NID1: variants seen among roughly 807,000 people sequenced by gnomAD.
NID1 encodes the protein nidogen-1.
Under a neutral mutation model 130.6 loss-of-function variants are expected in NID1, and 76 were observed. The ratio of observed to expected loss-of-function variants is 0.58; its 90% CI spans 0.48 to 0.70. The LOEUF is 0.70. Ranked by LOEUF, NID1 falls within the 30% of genes least tolerant of loss-of-function variation. The pLI, the probability that NID1 is intolerant of heterozygous loss-of-function variation, is 0.00. For synonymous variants in NID1, 665 were observed against 675.1 expected, an observed-to-expected ratio of 0.98 and a Z score of 0.23; for missense variants, 1,517 against 1,664.8, an observed-to-expected ratio of 0.91 and a Z score of 1.54.
At chr1:236,009,994 C>T (rs1658363003) in intron 12 of NID1, among the ~76,000 whole-genome samples, 1 of 152,010 alleles carries the variant, frequency 6.6e-6, no homozygotes, top group South Asian at 2.1e-4. Context: ...ACAGAGTTTT[C>T]AAGAGGGGAC....
At chr1:236,032,338 C>T in intron 6 of NID1, 63 bp downstream of exon 6, 2 of 1,571,970 alleles carry the variant, frequency 1.3e-6, no homozygotes, top group Non-Finnish European at 1.7e-6. Flanking sequence ...TTCCATCCAT[C>T]CCCAGGCCTC....
chr1:236,017,324 A>G (rs1419291153), intron 9 of NID1, 51 bp from the exon 10 acceptor site: 2 of 1,589,580 alleles, frequency 1.3e-6, no homozygotes, highest in Non-Finnish European at 1.7e-6. Context: ...AGCTCTTCAA[A>G]CATTACTGAC....
Position 235,999,542 on chromosome 1 carries a change from G to A in NID1, c.2528-5670C>T, listed in dbSNP as rs184605079. 4.2e-3 allele frequency among the ~76,000 whole-genome samples: 645 copies of A among 152,172 alleles called. 2 individuals carry two copies. Among genetic ancestry groups the A allele is most frequent in the Non-Finnish European group, 7.1e-3 (486 of 68,010 alleles). ...CTTTCCATTAAAGGCCTGGTGGATG[G>A]GGTGGGGGTAGTGGGGATGCTAAAG... On this transcript the variant is annotated intron_variant, in intron 12 of 19. Transcript: ENST00000264187.
chr1:236,041,762 G>A, intron 4 of NID1, 148 bp downstream of exon 4: 13 of 973,774 alleles, frequency 1.3e-5, no homozygotes, highest in Non-Finnish European at 1.9e-5. Flanking sequence ...AAGGCTCCAC[G>A]GCTGTGAGAG....
chr1:236,059,932 T>C (rs1659995409), intron 1 of NID1, among the ~76,000 whole-genome samples: 1 of 151,926 alleles, frequency 6.6e-6, no homozygotes, highest in South Asian at 2.1e-4. Flanking sequence ...AAACCCCGTC[T>C]CTACTAAAAA....
chr1:236,006,196 G>C (rs1658244263), intron 12 of NID1, among the ~76,000 whole-genome samples: 1 of 152,144 alleles, frequency 6.6e-6, no homozygotes, highest in South Asian at 2.1e-4. Context: ...CCCCCCATTA[G>C]AAATGAGTGG....
Position 236,045,410 on chromosome 1 carries a change from T to C in NID1, c.752+47A>G, listed in dbSNP as rs762957137. 3 of 1,343,316 alleles carry C rather than the reference T, an allele frequency of 2.2e-6. No homozygotes were observed. The South Asian group carries it at 3.6e-5, about 16-fold the overall frequency. 83.2% of individuals were successfully genotyped at this position (1,343,316 alleles called of 1,614,324 possible). A position where few individuals can be genotyped will look rare whatever the true frequency, so the allele number is the denominator to read the frequency against. ...ATAATACACATTACATTATCCACAT[T>C]AAAAAATATTAAGAGGAGAATCTAC... On this transcript the variant is annotated intron_variant, in intron 3 of 19. Transcript: ENST00000264187.
chr1:235,986,348 G>A (rs1657573614), intron 14 of NID1, among the ~76,000 whole-genome samples: 1 of 151,514 alleles, frequency 6.6e-6, no homozygotes. Flanking sequence ...ATCTAGCAAG[G>A]ATGCAAGATA....
At chr1:236,036,854 C>T (rs1659276191) in intron 5 of NID1, among the ~76,000 whole-genome samples, 1 of 152,194 alleles carries the variant, frequency 6.6e-6, no homozygotes, top group South Asian at 2.1e-4. Context: ...GCCCCCTGAT[C>T]TTGGACTTCT....
Position 235,979,503 on chromosome 1 carries a change from G to A in NID1, c.3509+319C>T, listed in dbSNP as rs557194661. ...AGTGGACATGGAGCCCACCGGCCAC[G>A]TGACCCTGGGCCAACTCCTGGGGAA... is the stretch of plus-strand genomic sequence containing the variant. On this transcript the variant is annotated intron_variant, in intron 18 of 19. Coordinates refer to ENST00000264187, the MANE Select transcript of NID1 (RefSeq NM_002508.3). The surrounding 1 kb of genome is among the most constrained non-coding windows in gnomAD (Gnocchi z 4.6). Among the ~76,000 whole-genome samples, 12 of 152,312 alleles carry A rather than the reference G, an allele frequency of 7.9e-5. No individual in the cohort carries two copies. The highest frequency in any genetic ancestry group is 1.5e-4 in the Non-Finnish European group (10 of 68,008).
At chr1:235,987,456 C>T (rs59510596) in intron 14 of NID1, among the ~76,000 whole-genome samples, 6,024 of 152,262 alleles carry the variant, frequency 0.04, 538 homozygotes, top group East Asian at 0.37. Flanking sequence ...CTCTGTATAC[C>T]TTTCCAACTT....
intron 9 of NID1, among the ~76,000 whole-genome samples, chr1:236,019,639 C>T (rs960069507): frequency 6.6e-6 from 1 of 152,156 alleles, no homozygotes; most frequent in African/African-American, 2.4e-5. Context: ...TACACATACA[C>T]GCCAGACTAG....
rs751409170 is a variant in NID1, at chr1:236,017,242, C to T, written c.2160G>A (p.Val720=). The T allele has an allele frequency of 1.2e-6, 2 of 1,614,192 alleles. No homozygotes were observed. The highest frequency in any genetic ancestry group is 4.5e-5 in the East Asian group (2 of 44,888). Residue 720 remains valine (V), a synonymous_variant, in exon 10 of 20, where the codon GTG becomes GTA. Coordinates refer to ENST00000264187, the MANE Select transcript of NID1 (RefSeq NM_002508.3). ...TATTGCAGATTGTGTGGCTCCCACA[C>T]ACTGAGGGTTGTTCTGAACATTCAT... ...DIDECSEQPS[V]CGSHTICNNH...
At chr1:235,983,645 G>C (rs941128030) in intron 15 of NID1, among the ~76,000 whole-genome samples, 2 of 152,186 alleles carry the variant, frequency 1.3e-5, no homozygotes, top group Admixed American at 1.3e-4. Flanking sequence ...CTTAGAACCA[G>C]CCTTGGTCCC....
At chr1:235,981,108 T>C (rs1000435108) in intron 16 of NID1, among the ~76,000 whole-genome samples, 11 of 152,160 alleles carry the variant, frequency 7.2e-5, no homozygotes, top group African/African-American at 2.7e-4. Context: ...ATAGGAGATG[T>C]GGTCTCAAAG....
At chr1:236,011,367 A>G (rs970753375) in intron 12 of NID1, among the ~76,000 whole-genome samples, 4 of 150,132 alleles carry the variant, frequency 2.7e-5, no homozygotes, top group Non-Finnish European at 4.4e-5. Context: ...CAGTGGCTCA[A>G]TTGCAGCTCA....
chr1:236,002,373 C>T (rs1658099211), intron 12 of NID1, among the ~76,000 whole-genome samples: 1 of 152,146 alleles, frequency 6.6e-6, no homozygotes, highest in Non-Finnish European at 1.5e-5. Context: ...CGCAGTGGCA[C>T]ATGCCTGTAA....
At chr1:236,001,031 C>T in intron 12 of NID1, among the ~76,000 whole-genome samples, 1 of 152,146 alleles carries the variant, frequency 6.6e-6, no homozygotes, top group East Asian at 1.9e-4. Context: ...TCTGAGCATG[C>T]ACCTCTGGGA....
chr1:235,990,386 C>G (rs571673390), intron 14 of NID1, among the ~76,000 whole-genome samples: 1 of 152,262 alleles, frequency 6.6e-6, no homozygotes, highest in East Asian at 1.9e-4. Flanking sequence ...AGACCCTCCC[C>G]TCTCCTTCAC....
Sources: allele counts gnomAD v4.1 joint callset (sites outside exome capture counted in the v4.1 genomes callset), GRCh38; gene constraint gnomAD v4.1.1; non-coding constraint Gnocchi (gnomAD v3.1); transcripts MANE v1.5; gene names NCBI Gene and HGNC (gene_info 2026-07-23, HGNC 2026-07-21).